Variants in SHMT2 observed in about 807,000 individuals in gnomAD.
The protein encoded by SHMT2 is serine hydroxymethyltransferase 2.
A neutral mutation model predicts 59.6 loss-of-function variants in SHMT2; 38 were observed. That is an observed-to-expected ratio of 0.64 (90% CI 0.49 to 0.84). SHMT2 has a LOEUF of 0.84. Ranked by LOEUF, SHMT2 falls within the 40% of genes least tolerant of loss-of-function variation. The probability of loss-of-function intolerance (pLI) is 0.00; values close to 1 mark genes in which losing one functional copy is unlikely to be tolerated. For synonymous variants in SHMT2, 254 were observed against 258.1 expected (o/e 0.98, Z 0.15); for missense variants, 533 against 659.5 (o/e 0.81, Z 2.10).
rs367682761 is a variant in SHMT2, at chr12:57,234,157, G to A, written c.1387+47G>A. ...CCGGGCCAGCCAGTTCCCACTCACT[G>A]TCTGCTCCCTCCCCCAGCTGATCTC... On this transcript the variant is annotated intron_variant, in intron 11 of 11. Coordinates refer to ENST00000328923, the MANE Select transcript of SHMT2 (RefSeq NM_005412.6). The A allele has an allele frequency of 2.5e-6, 4 of 1,613,516 alleles. No homozygotes were observed. The African/African-American group carries it at 5.3e-5, about 22-fold the overall frequency.
Position 57,233,353 on chromosome 12 carries a change from A to T in SHMT2, c.1023+8A>T. ...GCTGTGGCCCTAAAGCAGGTTGGGG[A>T]TCCTGTCTTTGTAGGGTGTGGGGGG... On this transcript the variant is annotated splice_region_variant and intron_variant, in intron 8 of 11. Transcript: ENST00000328923. 6.3e-7 allele frequency: 1 copy of T among 1,588,676 alleles called. No homozygotes were observed. The highest frequency in any genetic ancestry group is 8.6e-7 in the Non-Finnish European group (1 of 1,166,228).
rs2037481373 is a variant in SHMT2 at position 57,234,696 on chromosome 12, CCT to C, written c.*336_*337del. ...GCAGGGGTGGGTAGGCACCCTCCTT[CCT>C]GTTTTTATCTAATAAAATGCTAACC... is the stretch of plus-strand genomic sequence containing the variant. On this transcript the variant is annotated 3_prime_UTR_variant, in exon 12 of 12. Transcript: ENST00000328923. The C allele has an allele frequency of 5.0e-6, 1 of 198,152 alleles. No individual in the cohort carries two copies. The highest frequency in any genetic ancestry group is 1.3e-4 in the East Asian group (1 of 7,834). 12.3% of individuals were successfully genotyped at this position (198,152 alleles called of 1,614,324 possible).
At chr12:57,234,146 T>C in intron 11 of SHMT2, 36 bp downstream of exon 11, 1 of 1,613,494 alleles carries the variant, frequency 6.2e-7, no homozygotes, top group Non-Finnish European at 8.5e-7. Context: ...GCCAGCCAGT[T>C]CCCACTCACT....
chr12:57,232,783 C>T lies in SHMT2; in HGVS notation c.797C>T (p.Ser266Leu), dbSNP rs748454200. Reference protein sequence around the residue: ...SGLVAAKVIPSPFKHADIVTT... With the variant: ...SGLVAAKVIPLPFKHADIVTT... ...CTGGTGGCTGCCAAGGTGATTCCCTCGCCTTTCAAGCACGCGGACATCGTC... is the reference window on the plus strand; with the variant it reads ...CTGGTGGCTGCCAAGGTGATTCCCTTGCCTTTCAAGCACGCGGACATCGTC... The change falls in exon 7 of 12, where the codon TCG becomes TTG. Residue 266 changes from serine to leucine, a missense_variant. Ser to Leu is a moderately radical substitution (Grantham distance 145, BLOSUM62 -2). Transcript: ENST00000328923. The T allele has an allele frequency of 5.0e-6, 8 of 1,613,552 alleles. No individual in the cohort carries two copies. The highest frequency in any genetic ancestry group is 1.7e-5 in the Admixed American group (1 of 59,994).
chr12:57,233,976 C>T (rs1470441569), intron 10 of SHMT2, 27 bp from the exon 11 acceptor site: 14 of 1,613,876 alleles, frequency 8.7e-6, no homozygotes, highest in African/African-American at 4.0e-5. Flanking sequence ...GGGCTATGCT[C>T]ATCCCTCCCC....
At position 57,231,843 on chromosome 12, in the gene SHMT2, C is replaced by G. The variant is rs1212558939; in HGVS notation, c.442C>G (p.Leu148Val). The G allele has an allele frequency of 1.2e-6, 2 of 1,614,146 alleles. No homozygotes were observed. Among genetic ancestry groups the G allele is most frequent in the African/African-American group, 1.3e-5 (1 of 75,046 alleles). ...GCCCTACTCCGGGTCCCCAGCCAAC[C>G]TGGCCGTCTACACAGCCCTTCTGCA... ...VQPYSGSPAN[L>V]AVYTALLQPH... Residue 148 changes from leucine (L) to valine (V), a missense_variant, in exon 4 of 12, where the codon CTG becomes GTG. By Grantham distance (32) the Leu-to-Val change is conservative. Coordinates refer to ENST00000328923, the MANE Select transcript of SHMT2 (RefSeq NM_005412.6).
At chr12:57,232,915 A>T in intron 7 of SHMT2, 72 bp downstream of exon 7, 1 of 1,553,788 alleles carries the variant, frequency 6.4e-7, no homozygotes, top group Non-Finnish European at 8.8e-7. Context: ...GTTGGCCTGG[A>T]CCTGAGAGGA....
chr12:57,229,964 G>C, intron 1 of SHMT2, 153 bp downstream of exon 1: 1 of 1,464,906 alleles, frequency 6.8e-7, no homozygotes, highest in Non-Finnish European at 9.1e-7. Context: ...GAATCCCCAA[G>C]ACCCCTGGGC....
At position 57,229,742 on chromosome 12, in the gene SHMT2, A is replaced by G. The variant is rs2037236426; in HGVS notation, c.-37A>G. ...CCGACAGCTTGCTGCCCTAGACCAG[A>G]GTTGGTGGCTGGACCTCCTGCGACT... is the stretch of plus-strand genomic sequence containing the variant. On this transcript the variant is annotated 5_prime_UTR_variant, in exon 1 of 12. Coordinates refer to ENST00000328923, the MANE Select transcript of SHMT2 (RefSeq NM_005412.6). The G allele has an allele frequency of 1.2e-6, 2 of 1,613,936 alleles. No homozygotes were observed. The highest frequency in any genetic ancestry group is 1.7e-6 in the Non-Finnish European group (2 of 1,179,792).
Position 57,232,544 on chromosome 12 carries a change from C to T in SHMT2, c.686C>T (p.Ala229Val). 6.2e-7 allele frequency: 1 copy of T among 1,614,216 alleles called. No homozygotes were observed. Among genetic ancestry groups the T allele is most frequent in the Non-Finnish European group, 8.5e-7 (1 of 1,180,012 alleles). ...ATCATAGCTGGCACCAGCGCCTATG[C>T]TCGCCTCATTGACTACGCCCGCATG... ...RLIIAGTSAY[A>V]RLIDYARMRE... The change falls in exon 6 of 12, where the codon GCT becomes GTT. Residue 229 changes from alanine (A) to valine (V), a missense_variant. Coordinates refer to ENST00000328923, the MANE Select transcript of SHMT2 (RefSeq NM_005412.6).
chr12:57,231,041 G>A (rs761243291), intron 2 of SHMT2, 41 bp downstream of exon 2: 17 of 1,577,008 alleles, frequency 1.1e-5, no homozygotes, highest in Non-Finnish European at 1.4e-5. Flanking sequence ...GCCACCATGG[G>A]TACAGGAAGT....
rs758693175 is a variant in SHMT2, at chr12:57,233,306, C to T, written c.984C>T (p.His328=). 1 of 1,601,596 alleles carries T rather than the reference C, an allele frequency of 6.2e-7. No individual in the cohort carries two copies. Among genetic ancestry groups the T allele is most frequent in the South Asian group, 1.1e-5 (1 of 89,974 alleles). ...TCCCATCCCTGCAGGGGGGCCCCCA[C>T]AATCATGCCATTGCTGCAGTAGCTG... ...AVFPSLQGGP[H]NHAIAAVAVA... The change falls in exon 8 of 12, where the codon CAC becomes CAT. Residue 328 remains histidine, a synonymous_variant. Transcript: ENST00000328923.
chr12:57,232,269 G>T lies in SHMT2; in HGVS notation c.571G>T (p.Glu191Ter), dbSNP rs1313489843. 3 of 1,614,106 alleles carry T rather than the reference G, an allele frequency of 1.9e-6. No homozygotes were observed. The highest frequency in any genetic ancestry group is 3.3e-5 in the Admixed American group (2 of 60,014). ...GATATCAGCCACGTCCATCTTCTTCGAGTCTATGCCCTATAAGCTCAACGT... is the reference window on the plus strand; with the variant it reads ...GATATCAGCCACGTCCATCTTCTTCTAGTCTATGCCCTATAAGCTCAACGT... ...KRISATSIFFESMPYKLNPKT... is the reference protein window; with the variant it reads ...KRISATSIFF The change falls in exon 5 of 12, where the codon GAG (glutamate) becomes TAG (stop). Residue 191 changes from glutamate (E) to a stop codon, truncating the protein, a stop_gained. Coordinates refer to ENST00000328923, the MANE Select transcript of SHMT2 (RefSeq NM_005412.6). LOFTEE classifies it high-confidence loss of function.
At chr12:57,229,870 T>C in intron 1 of SHMT2, 59 bp downstream of exon 1, 1 of 1,604,836 alleles carries the variant, frequency 6.2e-7, no homozygotes, top group East Asian at 2.2e-5. Flanking sequence ...TCTCCTACCT[T>C]AGTTCCTAGT....
chr12:57,230,475 G>T, intron 1 of SHMT2: 1 of 1,227,008 alleles, frequency 8.1e-7, no homozygotes, highest in South Asian at 1.7e-5. Context: ...GGGTGGGAAG[G>T]TTCTGGAATC....
In SHMT2 at chr12:57,233,648, A is replaced by C. The variant is rs372801976; in HGVS notation, c.1109A>C (p.Tyr370Ser). 6.8e-6 allele frequency: 11 copies of C among 1,614,020 alleles called. No homozygotes were observed. Among genetic ancestry groups the C allele is most frequent in the Non-Finnish European group, 9.3e-6 (11 of 1,179,910 alleles). The change falls in exon 9 of 12, where the codon TAC (tyrosine) becomes TCC (serine). Residue 370 changes from tyrosine (Y) to serine (S), a missense_variant. Transcript: ENST00000328923. The stretch of plus-strand genomic sequence containing the variant: ...GCAGATGCCCTGCTAGAGCGAGGCT[A>C]CTCACTGGTATCAGGTAAGCCAGCA... ...AMADALLERG[Y>S]SLVSGGTDNH...
At position 57,232,099 on chromosome 12, in the gene SHMT2, G is replaced by T. The variant is rs1213801272; in HGVS notation, c.513-112G>T. On this transcript the variant is annotated intron_variant, in intron 4 of 11. Coordinates refer to ENST00000328923, the MANE Select transcript of SHMT2 (RefSeq NM_005412.6). Reference sequence around the variant, plus strand: ...ACCACAGAGTGGACAGAGCAGTGAGGCGGTGTGTCCTAGGACTGGTGTTCT... The same window carrying T: ...ACCACAGAGTGGACAGAGCAGTGAGTCGGTGTGTCCTAGGACTGGTGTTCT... The T allele has an allele frequency of 7.8e-6, 9 of 1,159,892 alleles. No homozygotes were observed. The East Asian group carries it at 2.1e-4, about 27-fold the overall frequency. 71.9% of individuals were successfully genotyped at this position (1,159,892 alleles called of 1,614,324 possible).
At position 57,231,880 on chromosome 12, in the gene SHMT2, G is replaced by A. The variant is rs1351724065; in HGVS notation, c.479G>A (p.Arg160Gln). The change falls in exon 4 of 12, where the codon CGG (arginine) becomes CAG (glutamine). Residue 160 changes from arginine (R) to glutamine (Q), a missense_variant. By Grantham distance (43) the Arg-to-Gln change is conservative (BLOSUM62 1). Coordinates refer to ENST00000328923, the MANE Select transcript of SHMT2 (RefSeq NM_005412.6). ...ACAGCCCTTCTGCAACCTCACGACC[G>A]GATCATGGGGCTGGACCTGCCCGAT... ...VYTALLQPHDRIMGLDLPDGG... is the reference protein window; with the variant it reads ...VYTALLQPHDQIMGLDLPDGG... 6 of 1,612,666 alleles carry A rather than the reference G, an allele frequency of 3.7e-6. No individual in the cohort carries two copies. Among genetic ancestry groups the A allele is most frequent in the Non-Finnish European group, 5.1e-6 (6 of 1,179,428 alleles).
Position 57,232,830 on chromosome 12 carries a change from C to G in SHMT2, c.844C>G (p.Leu282Val), listed in dbSNP as rs1324400201. The change falls in exon 7 of 12, where the codon CTT becomes GTT. Residue 282 changes from leucine to valine, a missense_variant. By Grantham distance (32) the Leu-to-Val change is conservative (BLOSUM62 1). Coordinates refer to ENST00000328923, the MANE Select transcript of SHMT2 (RefSeq NM_005412.6). ...CGTCACCACCACTACTCACAAGACT[C>G]TTCGAGGGGCCAGGTCAGGCTCCCT... is the stretch of plus-strand genomic sequence containing the variant. ...DIVTTTTHKT[L>V]RGARSGLIFY... The G allele has an allele frequency of 1.2e-6, 2 of 1,609,232 alleles. No homozygotes were observed. Among genetic ancestry groups the G allele is most frequent in the Admixed American group, 1.7e-5 (1 of 59,938 alleles).
Sources: allele counts gnomAD v4.1 joint callset, GRCh38; gene constraint gnomAD v4.1.1; transcripts MANE v1.5; gene names NCBI Gene and HGNC (gene_info 2026-07-23, HGNC 2026-07-21).